The following RIMS2 variants were observed in gnomAD, a reference collection of about 807,000 sequenced individuals.
RIMS2 encodes regulating synaptic membrane exocytosis 2.
Under a neutral mutation model 174.4 loss-of-function variants are expected in RIMS2, and 59 were observed. The observed-to-expected ratio is 0.34, with a 90% CI of 0.27 to 0.42. RIMS2 has a LOEUF of 0.42. Ranked by LOEUF, RIMS2 falls within the 10% of genes least tolerant of loss-of-function variation. RIMS2 has a pLI of 1.00. For synonymous variants in RIMS2, 606 were observed against 572.5 expected (o/e 1.06, Z -0.84); for missense variants, 1,620 against 1,666.3 (o/e 0.97, Z 0.48).
At chr8:103,610,048 T>A (rs996877479) in intron 1 of RIMS2, among the ~76,000 whole-genome samples, 1 of 152,222 alleles carries the variant, frequency 6.6e-6, no homozygotes, top group Non-Finnish European at 1.5e-5. Context: ...ATCTTTCACT[T>A]CCTTCATTAG....
intron 19 of RIMS2, among the ~76,000 whole-genome samples, chr8:104,176,064 G>T (rs1166959876): frequency 6.6e-6 from 1 of 152,052 alleles, no homozygotes; most frequent in South Asian, 2.1e-4. Flanking sequence ...CTGCAGTGCT[G>T]TCTGAAGCAG....
intron 3 of RIMS2, among the ~76,000 whole-genome samples, chr8:103,856,159 A>G (rs539499021): frequency 2.6e-5 from 4 of 152,148 alleles, no homozygotes; most frequent in Non-Finnish European, 4.4e-5. Flanking sequence ...TTTAAAATCT[A>G]TGTTATCTGA....
At chr8:103,847,533 G>C (rs752945001) in intron 3 of RIMS2, among the ~76,000 whole-genome samples, 2 of 152,044 alleles carry the variant, frequency 1.3e-5, no homozygotes, top group Non-Finnish European at 2.9e-5. Flanking sequence ...ATGTTATGTG[G>C]TATTCCATGT....
intron 1 of RIMS2, among the ~76,000 whole-genome samples, chr8:103,553,672 A>G (rs1849085883): frequency 6.6e-6 from 1 of 152,160 alleles, no homozygotes. Context: ...TACTACTAAC[A>G]GCATCCTTCA....
At chr8:103,660,492 G>T (rs1216375779) in intron 1 of RIMS2, among the ~76,000 whole-genome samples, 1 of 152,212 alleles carries the variant, frequency 6.6e-6, no homozygotes, top group African/African-American at 2.4e-5. Flanking sequence ...GCCTCAGCCA[G>T]CCCGGAATCT....
chr8:104,006,648 C>CTCTCTCTCTCTCTCTCTCTCTGTG (rs2095592018), intron 17 of RIMS2, among the ~76,000 whole-genome samples: 1 of 151,570 alleles, frequency 6.6e-6, no homozygotes, highest in Non-Finnish European at 1.5e-5. Context: ...CTCTCTCTCT[C>CTCTCTCTCTCTCTCTCTCTCTGTG]TCTCTCTCTC....
intron 19 of RIMS2, among the ~76,000 whole-genome samples, chr8:104,017,710 G>A (rs1035167712): frequency 6.6e-6 from 1 of 152,060 alleles, no homozygotes; most frequent in Non-Finnish European, 1.5e-5. Context: ...CATCATAAAA[G>A]CAATGTGATA....
At chr8:104,139,397 A>G (rs1212662171) in intron 19 of RIMS2, among the ~76,000 whole-genome samples, 6 of 152,164 alleles carry the variant, frequency 3.9e-5, no homozygotes, top group African/African-American at 1.4e-4. Flanking sequence ...GTCCATGAAC[A>G]TGGAATATCT....
chr8:103,815,751 C>A (rs79270962), intron 3 of RIMS2, among the ~76,000 whole-genome samples: 1,544 of 152,108 alleles, frequency 0.01, 29 homozygotes, highest in African/African-American at 0.035. Context: ...GATACATGAA[C>A]ATAATTGTTA....
chr8:104,075,039 G>T (rs1317178922), intron 19 of RIMS2, among the ~76,000 whole-genome samples: 5 of 152,120 alleles, frequency 3.3e-5, no homozygotes, highest in African/African-American at 7.2e-5. Context: ...AGCAGTGATA[G>T]AAACAAAATA....
At chr8:103,963,195 AATAAT>A (rs1595919722) in intron 15 of RIMS2, among the ~76,000 whole-genome samples, 1 of 152,274 alleles carries the variant, frequency 6.6e-6, no homozygotes, top group East Asian at 1.9e-4. Flanking sequence ...AGATAAAATA[AATAAT>A]ATATTTTCTG....
At chr8:104,073,470 T>C (rs917161020) in intron 19 of RIMS2, among the ~76,000 whole-genome samples, 1 of 152,186 alleles carries the variant, frequency 6.6e-6, no homozygotes, top group African/African-American at 2.4e-5. Flanking sequence ...CATGCTCTTT[T>C]TTAAGGAGTA....
intron 20 of RIMS2, among the ~76,000 whole-genome samples, chr8:104,247,545 T>A (rs2099342730): frequency 6.6e-6 from 1 of 152,102 alleles, no homozygotes; most frequent in South Asian, 2.1e-4. Flanking sequence ...AACATAAGAA[T>A]TTTGGGGTGA....
At position 103,883,575 on chromosome 8, in the gene RIMS2, A is replaced by C. The variant is rs75410302; in HGVS notation, c.699-1723A>C. 2.0e-5 allele frequency among the ~76,000 whole-genome samples: 3 copies of C among 151,890 alleles called. No individual in the cohort carries two copies. In the East Asian group the frequency reaches 5.8e-4, roughly 29 times the overall value. ...TTTGTAATTAAGTCCTAAGTGTTTCATATATAAATGTAAATGCTAAAAAAT... is the reference window on the plus strand; with the variant it reads ...TTTGTAATTAAGTCCTAAGTGTTTCCTATATAAATGTAAATGCTAAAAAAT... On this transcript the variant is annotated intron_variant, in intron 3 of 23. Coordinates refer to ENST00000504942, the Ensembl canonical transcript of RIMS2.
At chr8:103,766,907 G>A (rs888754867) in intron 3 of RIMS2, among the ~76,000 whole-genome samples, 3 of 152,210 alleles carry the variant, frequency 2.0e-5, no homozygotes, top group Non-Finnish European at 4.4e-5. Context: ...GGAAGTGGGA[G>A]TTAAGGTAAT....
chr8:103,999,800 T>G (rs1163921066), intron 17 of RIMS2, among the ~76,000 whole-genome samples: 1 of 151,784 alleles, frequency 6.6e-6, no homozygotes, highest in Admixed American at 6.6e-5. Flanking sequence ...CTAGAATTAG[T>G]TCTTGATCAT....
intron 14 of RIMS2, among the ~76,000 whole-genome samples, chr8:103,944,947 A>G (rs1457274383): frequency 6.6e-6 from 1 of 152,124 alleles, no homozygotes. Flanking sequence ...GGCTAATAGG[A>G]TGTATTAGTC....
chr8:104,005,313 A>G (rs2095533815), intron 17 of RIMS2, among the ~76,000 whole-genome samples: 2 of 152,188 alleles, frequency 1.3e-5, no homozygotes, highest in Admixed American at 1.3e-4. Flanking sequence ...TCGGGGGGTA[A>G]TTGTCAGAAA....
At chr8:103,616,865 A>G (rs1249762562) in intron 1 of RIMS2, among the ~76,000 whole-genome samples, 2 of 152,234 alleles carry the variant, frequency 1.3e-5, no homozygotes, top group African/African-American at 2.4e-5. Flanking sequence ...GCTCAAAGAA[A>G]TCAGAGAAGA....
Sources: gnomAD v4.1 joint callset for allele counts (sites outside exome capture counted in the v4.1 genomes callset) on GRCh38, gnomAD v4.1.1 for gene constraint, MANE v1.5 for transcripts, NCBI Gene and HGNC (gene_info 2026-07-23, HGNC 2026-07-21) for gene names.